The following KIT variants were observed in gnomAD, a reference collection of about 807,000 sequenced individuals.
KIT encodes the protein KIT proto-oncogene, receptor tyrosine kinase, also known as mast/stem cell growth factor receptor Kit.
In KIT, 16 loss-of-function variants were observed where a neutral mutation model predicts 105.7. The observed-to-expected ratio is 0.15, with a 90% CI of 0.10 to 0.23. KIT has a LOEUF of 0.23. KIT is among the 10% of genes least tolerant of loss of function. KIT has a pLI of 1.00. For synonymous variants in KIT, 438 were observed against 441.1 expected (o/e 0.99, Z 0.09); for missense variants, 858 against 1,213.8 (o/e 0.71, Z 4.36).
At position 54,738,518 on chromosome 4, in the gene KIT, T is replaced by C. The variant is rs578043962; in HGVS notation, c.2892T>C (p.Ala964=). The change falls in exon 21 of 21, where the codon GCT becomes GCC. Residue 964 remains alanine (A), a synonymous_variant. Transcript: ENST00000288135. ...GGATCAATTCTGTCGGCAGCACCGC[T>C]TCCTCCTCCCAGCCTCTGCTTGTGC... ...SVRINSVGST[A]SSSQPLLVHD... 1.2e-6 allele frequency: 2 copies of C among 1,614,126 alleles called. No individual in the cohort carries two copies. The highest frequency in any genetic ancestry group is 2.2e-5 in the South Asian group (2 of 91,076).
At chr4:54,714,537 G>T (rs1721345472) in intron 7 of KIT, among the ~76,000 whole-genome samples, 1 of 151,940 alleles carries the variant, frequency 6.6e-6, no homozygotes, top group Non-Finnish European at 1.5e-5. Flanking sequence ...GTTTATTTTG[G>T]CTTCAATTTT....
Position 54,693,255 on chromosome 4 carries a change from A to G in KIT, c.68-2257A>G, listed in dbSNP as rs146632200. Among the ~76,000 whole-genome samples, 137 of 152,258 alleles carry G rather than the reference A, an allele frequency of 9.0e-4. 2 individuals are homozygous for G. In the East Asian group the frequency reaches 0.023, roughly 26 times the overall value. The stretch of plus-strand genomic sequence containing the variant: ...AGGGGTCTTTTGTTCATTCCCTGCC[A>G]TCTTACTGTGGCATCTGCCCTTAGA... On this transcript the variant is annotated intron_variant, in intron 1 of 20. Transcript: ENST00000288135.
At chr4:54,673,564 G>A (rs541845579) in intron 1 of KIT, among the ~76,000 whole-genome samples, 4 of 152,128 alleles carry the variant, frequency 2.6e-5, no homozygotes, top group African/African-American at 9.6e-5. Context: ...GTTCTTCATA[G>A]CTTCTTTCAT....
chr4:54,680,640 GC>G (rs1229868915), intron 1 of KIT, among the ~76,000 whole-genome samples: 1 of 151,984 alleles, frequency 6.6e-6, no homozygotes, highest in Non-Finnish European at 1.5e-5. Flanking sequence ...TGATCCACAT[GC>G]CCCGGCCTCC....
chr4:54,663,949 A>G (rs1717488021), intron 1 of KIT, among the ~76,000 whole-genome samples: 1 of 152,196 alleles, frequency 6.6e-6, no homozygotes, highest in Non-Finnish European at 1.5e-5. Flanking sequence ...CCTTGGTCCT[A>G]CGTTACAGGC....
At chr4:54,715,401 T>C (rs1020743210) in intron 7 of KIT, among the ~76,000 whole-genome samples, 2 of 145,686 alleles carry the variant, frequency 1.4e-5, no homozygotes, top group African/African-American at 5.0e-5. Flanking sequence ...CGGGGCTGGG[T>C]GATTTATAAA....
chr4:54,657,987 G>A lies in KIT; in HGVS notation c.-28G>A, dbSNP rs368987793. On this transcript the variant is annotated 5_prime_UTR_variant, in exon 1 of 21. Coordinates refer to ENST00000288135, the MANE Select transcript of KIT (RefSeq NM_000222.3). ...TGGGCGAGAGCTGGAACGTGGACCAGAGCTCGGATCCCATCGCAGCTACCG... is the reference window on the plus strand; with the variant it reads ...TGGGCGAGAGCTGGAACGTGGACCAAAGCTCGGATCCCATCGCAGCTACCG... The A allele has an allele frequency of 6.2e-6, 10 of 1,611,174 alleles. No homozygotes were observed. The African/African-American group carries it at 1.3e-4, about 22-fold the overall frequency.
At chr4:54,715,840 C>G (rs1721455705) in intron 7 of KIT, among the ~76,000 whole-genome samples, 1 of 152,156 alleles carries the variant, frequency 6.6e-6, no homozygotes. Flanking sequence ...GCTGGAATCT[C>G]CAACTACCTT....
intron 1 of KIT, among the ~76,000 whole-genome samples, chr4:54,683,284 T>C (rs1357753275): frequency 6.6e-6 from 1 of 152,234 alleles, no homozygotes; most frequent in Admixed American, 6.5e-5. Context: ...AGAACTGCTA[T>C]GTCTCTACCA....
intron 14 of KIT, among the ~76,000 whole-genome samples, chr4:54,730,294 T>G (rs1722503472): frequency 6.6e-6 from 1 of 152,096 alleles, no homozygotes; most frequent in Non-Finnish European, 1.5e-5. Flanking sequence ...GTGGTAGATT[T>G]CTCCTATCCT....
chr4:54,717,362 T>G (rs1721574644), intron 7 of KIT, among the ~76,000 whole-genome samples: 1 of 152,194 alleles, frequency 6.6e-6, no homozygotes, highest in Non-Finnish European at 1.5e-5. Context: ...GTGGATGTGT[T>G]GCTAATTTAG....
At chr4:54,701,352 G>A (rs1720440644) in intron 4 of KIT, among the ~76,000 whole-genome samples, 2 of 152,162 alleles carry the variant, frequency 1.3e-5, no homozygotes, top group Admixed American at 1.3e-4. Flanking sequence ...GCTTAATTTA[G>A]AATACTATTA....
intron 1 of KIT, among the ~76,000 whole-genome samples, chr4:54,681,684 G>GAGCC (rs1718931311): frequency 6.6e-6 from 1 of 152,142 alleles, no homozygotes; most frequent in African/African-American, 2.4e-5. Context: ...TAAGATGTCA[G>GAGCC]AGCCGTAAGT....
intron 1 of KIT, among the ~76,000 whole-genome samples, chr4:54,687,070 T>G (rs1719357878): frequency 6.6e-6 from 1 of 152,164 alleles, no homozygotes; most frequent in African/African-American, 2.4e-5. Context: ...CTCATTTATT[T>G]CCTCCTGAAA....
chr4:54,669,090 ATACT>A (rs1161670770), intron 1 of KIT, among the ~76,000 whole-genome samples: 35 of 152,338 alleles, frequency 2.3e-4, no homozygotes, highest in African/African-American at 8.4e-4. Flanking sequence ...GCTAATGAAA[ATACT>A]TAATTGGAAT....
intron 2 of KIT, 55 bp downstream of exon 2, chr4:54,695,836 T>A: frequency 6.2e-7 from 1 of 1,606,904 alleles, no homozygotes; most frequent in Non-Finnish European, 8.5e-7. Flanking sequence ...TATCCTGCTC[T>A]TAATTTTGGA....
chr4:54,695,381 A>G (rs917580095), intron 1 of KIT, 131 bp from the exon 2 acceptor site: 8 of 937,982 alleles, frequency 8.5e-6, no homozygotes, highest in Non-Finnish European at 1.2e-5. Flanking sequence ...CTTTTCAGCC[A>G]TAAATAGCAG....
chr4:54,659,927 G>A (rs1717123120), intron 1 of KIT, among the ~76,000 whole-genome samples: 2 of 152,066 alleles, frequency 1.3e-5, no homozygotes, highest in Admixed American at 1.3e-4. Context: ...CTGTCCCCTG[G>A]GTTCTCGGTT....
At chr4:54,664,353 T>G (rs1717526806) in intron 1 of KIT, among the ~76,000 whole-genome samples, 2 of 152,002 alleles carry the variant, frequency 1.3e-5, no homozygotes, top group African/African-American at 2.4e-5. Context: ...CTGAGTTTGG[T>G]CTAGGTTATG....
Sources: gnomAD v4.1 joint callset for allele counts (sites outside exome capture counted in the v4.1 genomes callset) on GRCh38, gnomAD v4.1.1 for gene constraint, MANE v1.5 for transcripts, NCBI Gene and HGNC (gene_info 2026-07-23, HGNC 2026-07-21) for gene names.